HIRA: variants seen among roughly 807,000 people sequenced by gnomAD.
HIRA encodes the protein histone cell cycle regulator.
Under a neutral mutation model 126.6 loss-of-function variants are expected in HIRA, and 13 were observed. That is an observed-to-expected ratio of 0.10 (90% CI 0.07 to 0.16). HIRA has a LOEUF of 0.16. HIRA is among the 10% of genes least tolerant of loss of function. The probability of loss-of-function intolerance (pLI) is 1.00; values close to 1 mark genes in which losing one functional copy is unlikely to be tolerated. For synonymous variants in HIRA, 511 were observed against 520.0 expected (o/e 0.98, Z 0.24); for missense variants, 834 against 1,314.4 (o/e 0.63, Z 5.65).
At chr22:19,394,645 G>C (rs1195803325) in intron 7 of HIRA, 136 bp from the exon 8 acceptor site, 3 of 855,414 alleles carry the variant, frequency 3.5e-6, no homozygotes, top group Non-Finnish European at 5.3e-6. Context: ...TGGCTACACT[G>C]ACAGCTTCTG....
chr22:19,421,476 C>T (rs1749034627), intron 1 of HIRA, among the ~76,000 whole-genome samples: 1 of 152,124 alleles, frequency 6.6e-6, no homozygotes, highest in African/African-American at 2.4e-5. Flanking sequence ...ACACTAAATG[C>T]GTCTTCTAAA....
intron 15 of HIRA, among the ~76,000 whole-genome samples, 186 bp from the exon 16 acceptor site, chr22:19,362,117 G>A (rs5748148): frequency 0.031 from 4,649 of 152,218 alleles, 145 homozygotes; most frequent in South Asian, 0.13. Flanking sequence ...AAGAGACACC[G>A]GAATCTGTTG....
At chr22:19,369,463 G>A (rs2088944742) in intron 15 of HIRA, among the ~76,000 whole-genome samples, 1 of 152,164 alleles carries the variant, frequency 6.6e-6, no homozygotes, top group Admixed American at 6.5e-5. Flanking sequence ...CCTCCTATGA[G>A]GAGAGTTTTC....
chr22:19,412,609 A>G (rs527420711), intron 1 of HIRA, among the ~76,000 whole-genome samples: 16 of 152,218 alleles, frequency 1.1e-4, no homozygotes, highest in Non-Finnish European at 1.6e-4. Flanking sequence ...TTTCAGTTCC[A>G]TAAGTCTGTG....
intron 13 of HIRA, among the ~76,000 whole-genome samples, chr22:19,378,508 T>C (rs1295404184): frequency 6.6e-6 from 1 of 152,244 alleles, no homozygotes; most frequent in Non-Finnish European, 1.5e-5. Context: ...CAGCTTTTTC[T>C]AGAACAGATG....
At chr22:19,402,528 T>C (rs760120804) in intron 5 of HIRA, among the ~76,000 whole-genome samples, 39 of 152,252 alleles carry the variant, frequency 2.6e-4, no homozygotes, top group African/African-American at 9.4e-4. Flanking sequence ...ATGAGGCCAA[T>C]ATAAAGACTC....
At chr22:19,406,622 C>T (rs1053313514) in intron 4 of HIRA, among the ~76,000 whole-genome samples, 1 of 152,016 alleles carries the variant, frequency 6.6e-6, no homozygotes, top group Non-Finnish European at 1.5e-5. Flanking sequence ...GCCTCTGCCT[C>T]TGCTCTTGAA....
intron 17 of HIRA, among the ~76,000 whole-genome samples, chr22:19,360,573 C>T (rs1361752159): frequency 6.6e-6 from 1 of 152,124 alleles, no homozygotes; most frequent in Non-Finnish European, 1.5e-5. Flanking sequence ...TGGGAAGTGA[C>T]CCGCAAGCAG....
At chr22:19,349,565 A>AT (rs1195662545) in intron 24 of HIRA, among the ~76,000 whole-genome samples, 1 of 152,218 alleles carries the variant, frequency 6.6e-6, no homozygotes, top group African/African-American at 2.4e-5. Context: ...CCAAGATAGG[A>AT]TCCCAAAGTA....
At chr22:19,403,566 C>T (rs1389493055) in intron 5 of HIRA, among the ~76,000 whole-genome samples, 2 of 152,106 alleles carry the variant, frequency 1.3e-5, no homozygotes, top group Admixed American at 1.3e-4. Flanking sequence ...GAGCTGAGAT[C>T]GTAACACTGC....
rs570302957 is a variant in HIRA at position 19,377,356 on chromosome 22, G to A, written c.1613+513C>T. On this transcript the variant is annotated intron_variant, in intron 14 of 24. Transcript: ENST00000263208. ...AAACGTTCACTCCTGGCTTTCATTT[G>A]TGCTTGCCTGGTTCTTTCTGATTTC... is the stretch of plus-strand genomic sequence containing the variant. Among the ~76,000 whole-genome samples, 4 of 152,330 alleles carry A rather than the reference G, an allele frequency of 2.6e-5. No homozygotes were observed. In the East Asian group the frequency reaches 7.7e-4, roughly 29 times the overall value.
At position 19,383,622 on chromosome 22, in the gene HIRA, A is replaced by T. The variant is rs745660004; in HGVS notation, c.1413T>A (p.Thr471=). 1 of 1,611,748 alleles carries T rather than the reference A, an allele frequency of 6.2e-7. No individual in the cohort carries two copies. The highest frequency in any genetic ancestry group is 1.1e-5 in the South Asian group (1 of 90,978). ...ITPLCIAQLD[T]GDFSTAFFNS... ...ATGAAAGGGGAATGAACCAGTACCC[A>T]GTGTCCAGCTGTGCTATGCAGAGAG... The change falls in exon 13 of 25, where the codon ACT becomes ACA. Residue 471 remains threonine, a splice_region_variant and synonymous_variant. Coordinates refer to ENST00000263208, the MANE Select transcript of HIRA (RefSeq NM_003325.4).
intron 17 of HIRA, among the ~76,000 whole-genome samples, 192 bp from the exon 18 acceptor site, chr22:19,359,676 C>T (rs1282065932): frequency 6.6e-6 from 1 of 152,108 alleles, no homozygotes; most frequent in African/African-American, 2.4e-5. Flanking sequence ...ACATGTGGCC[C>T]CCAAGGCAGG....
chr22:19,421,064 G>A (rs1428876357), intron 1 of HIRA, among the ~76,000 whole-genome samples: 1 of 152,294 alleles, frequency 6.6e-6, no homozygotes, highest in East Asian at 1.9e-4. Context: ...TTGGGAGGTC[G>A]AGGCGGGTGG....
chr22:19,360,583 G>A (rs755056935), intron 17 of HIRA, among the ~76,000 whole-genome samples: 11 of 152,168 alleles, frequency 7.2e-5, no homozygotes, highest in Non-Finnish European at 1.5e-4. Context: ...CCCGCAAGCA[G>A]GGTCCAAGAA....
At chr22:19,332,911 T>C (rs1601791779) in intron 24 of HIRA, among the ~76,000 whole-genome samples, 1 of 152,116 alleles carries the variant, frequency 6.6e-6, no homozygotes, top group South Asian at 2.1e-4. Context: ...AACAATTTTA[T>C]TTTATATATT....
chr22:19,349,906 T>C (rs1204474386), intron 24 of HIRA, among the ~76,000 whole-genome samples: 1 of 152,220 alleles, frequency 6.6e-6, no homozygotes, highest in African/African-American at 2.4e-5. Context: ...TGCCTGGATG[T>C]TCTTCTCCCA....
chr22:19,385,404 C>T, intron 12 of HIRA, 117 bp downstream of exon 12: 4 of 975,576 alleles, frequency 4.1e-6, no homozygotes, highest in Non-Finnish European at 6.1e-6. Flanking sequence ...GGCTGGCTAA[C>T]CCACAGATCC....
At chr22:19,342,851 G>A (rs1240231709) in intron 24 of HIRA, among the ~76,000 whole-genome samples, 3 of 152,186 alleles carry the variant, frequency 2.0e-5, no homozygotes, top group Admixed American at 6.5e-5. Flanking sequence ...CAGTCTAAAT[G>A]CCCATCAACC....
Sources: allele counts gnomAD v4.1 joint callset (sites outside exome capture counted in the v4.1 genomes callset), GRCh38; gene constraint gnomAD v4.1.1; transcripts MANE v1.5; gene names NCBI Gene and HGNC (gene_info 2026-07-23, HGNC 2026-07-21).